RIN1: variants seen among roughly 807,000 people sequenced by gnomAD.
RIN1 encodes ras inhibitor 1.
RIN1 carries 52 observed loss-of-function variants against 64.9 expected under a neutral mutation model. The observed-to-expected ratio is 0.80, with a 90% CI of 0.64 to 1.01. RIN1 has a LOEUF of 1.01. RIN1 is among the 50% of genes least tolerant of loss of function. The probability of loss-of-function intolerance (pLI) is 0.00; values close to 1 mark genes in which losing one functional copy is unlikely to be tolerated. For missense variants in RIN1, 1,040 were observed against 1,064.5 expected (o/e 0.98, Z 0.32); for synonymous variants, 486 against 483.6 (o/e 1.00, Z -0.06).
rs745957466 is a variant in RIN1 at position 66,334,230 on chromosome 11, G to T, written c.1286-6C>A. 1.4e-6 allele frequency: 2 copies of T among 1,451,386 alleles called. No homozygotes were observed. The highest frequency in any genetic ancestry group is 2.8e-5 in the Admixed American group (1 of 36,090). The allele number at this position is 1,451,386 out of a possible 1,614,324, so 89.9% of individuals were successfully genotyped here. On this transcript the variant is annotated splice_polypyrimidine_tract_variant and splice_region_variant and intron_variant, in intron 6 of 9. Coordinates refer to ENST00000311320, the MANE Select transcript of RIN1 (RefSeq NM_004292.3). ...TGACTTCTCCAGGACATGTTCTGCC[G>T]GAGGGACAGGGAGGGGTCAGGGGAA...
At chr11:66,333,750 T>G in intron 7 of RIN1, 92 bp from the exon 8 acceptor site, 8 of 1,500,708 alleles carry the variant, frequency 5.3e-6, no homozygotes, top group Non-Finnish European at 7.1e-6. Flanking sequence ...ATTGAGGGGC[T>G]TCAGAAAGGA....
chr11:66,334,795 G>C lies in RIN1; in HGVS notation c.1004C>G (p.Ala335Gly). ...TCGGCGGCCCAGGTGGGGTGAGGTCGCTGGGCTCCCCCGGGACCCTGGCAC... is the reference window on the plus strand; with the variant it reads ...TCGGCGGCCCAGGTGGGGTGAGGTCCCTGGGCTCCCCCGGGACCCTGGCAC... ...EGVPGSRGSP[A>G]TSPHLGRRRP... The change falls in exon 6 of 10, where the codon GCG (alanine) becomes GGG (glycine). Residue 335 changes from alanine (A) to glycine (G), a missense_variant. Physicochemically the swap from Ala to Gly is moderately conservative, Grantham distance 60 (BLOSUM62 0). Coordinates refer to ENST00000311320, the MANE Select transcript of RIN1 (RefSeq NM_004292.3). The C allele has an allele frequency of 6.5e-7, 1 of 1,547,538 alleles. No individual in the cohort carries two copies. The highest frequency in any genetic ancestry group is 1.2e-5 in the South Asian group (1 of 84,288).
chr11:66,332,870 A>T (rs1854771772), intron 9 of RIN1, 118 bp from the exon 10 acceptor site: 1 of 817,098 alleles, frequency 1.2e-6, no homozygotes, highest in African/African-American at 1.7e-5. Flanking sequence ...GTGGAGATCC[A>T]GTGGGAGAAC....
chr11:66,335,902 C>A (rs1441802125), intron 2 of RIN1, 26 bp from the exon 3 acceptor site: 2 of 1,527,278 alleles, frequency 1.3e-6, no homozygotes, highest in South Asian at 2.6e-5. Flanking sequence ...GCTCAGGCAG[C>A]TCAGGACCTT....
In RIN1 at chr11:66,331,827, C is replaced by T. The variant is rs1444370524; in HGVS notation, c.*449G>A. ...CTGTTCTGTGGCCTCTCTAAATCCT[C>T]CTGACACCTAAGAGCCATTGGAACC... On this transcript the variant is annotated 3_prime_UTR_variant, in exon 10 of 10. Transcript: ENST00000311320. 5.2e-6 allele frequency: 1 copy of T among 193,868 alleles called. No homozygotes were observed. The highest frequency in any genetic ancestry group is 1.1e-5 in the Non-Finnish European group (1 of 94,674). 12.0% of individuals were successfully genotyped at this position (193,868 alleles called of 1,614,324 possible).
At chr11:66,335,329 G>A (rs912804060) in intron 5 of RIN1, 78 bp from the exon 6 acceptor site, 26 of 1,556,828 alleles carry the variant, frequency 1.7e-5, no homozygotes, top group East Asian at 2.3e-5. Flanking sequence ...CAGGGGCTTC[G>A]GGCGGTGTGC....
chr11:66,334,174 G>T lies in RIN1; in HGVS notation c.1336C>A (p.Pro446Thr). The change falls in exon 7 of 10, where the codon CCC (proline) becomes ACC (threonine). Residue 446 changes from proline to threonine, a missense_variant. Physicochemically the swap from Pro to Thr is conservative, Grantham distance 38. Transcript: ENST00000311320. Reference protein sequence around the residue: ...LHCSVLKPLRPILAARLRRRL... With the variant: ...LHCSVLKPLRTILAARLRRRL... ...CGCCGCAGGCGGGCTGCCAGGATGG[G>T]CCGGAGAGGCTTGAGCACAGAGCAA... is the stretch of plus-strand genomic sequence containing the variant. The T allele has an allele frequency of 6.5e-7, 1 of 1,533,666 alleles. No individual in the cohort carries two copies.
rs1320419109 is a variant in RIN1, at chr11:66,336,136, C to T, written c.109G>A (p.Asp37Asn). 5 of 1,445,138 alleles carry T rather than the reference C, an allele frequency of 3.5e-6. No individual in the cohort carries two copies. In the African/African-American group the frequency reaches 7.2e-5, roughly 21 times the overall value. The allele number at this position is 1,445,138 out of a possible 1,614,324, so 89.5% of individuals were successfully genotyped here. A position where few individuals can be genotyped will look rare whatever the true frequency, so the allele number is the denominator to read the frequency against. ...TGCCCGCCGCTGGCATTGGGCACGT[C>T]ATACAGTGGGTCCTGGGCTGGCCTG... ...REKPAQDPLY[D>N]VPNASGGQAG... Residue 37 changes from aspartate (D) to asparagine (N), a missense_variant, in exon 2 of 10, where the codon GAC (aspartate) becomes AAC (asparagine). Asp to Asn is a conservative substitution (Grantham distance 23). Coordinates refer to ENST00000311320, the MANE Select transcript of RIN1 (RefSeq NM_004292.3).
At chr11:66,336,602 C>CCAG, upstream of RIN1, 1 of 560,544 alleles carries the variant, frequency 1.8e-6, no homozygotes, top group Admixed American at 3.2e-5. Context: ...CCATGCTAGC[C>CCAG]CTGCTCTGAG....
chr11:66,334,164 G>C lies in RIN1; in HGVS notation c.1346C>G (p.Ala449Gly), dbSNP rs1412723743. Residue 449 changes from alanine to glycine, a missense_variant, in exon 7 of 10, where the codon GCA (alanine) becomes GGA (glycine). Transcript: ENST00000311320. ...SVLKPLRPIL[A>G]ARLRRRLAAD... ...GGCAAGCCGGCGCCGCAGGCGGGCT[G>C]CCAGGATGGGCCGGAGAGGCTTGAG... 1 of 1,536,858 alleles carries C rather than the reference G, an allele frequency of 6.5e-7. No individual in the cohort carries two copies. Among genetic ancestry groups the C allele is most frequent in the East Asian group, 2.3e-5 (1 of 42,678 alleles).
rs373386880 is a variant in RIN1 at position 66,333,572 on chromosome 11, C to T, written c.1678G>A (p.Glu560Lys). The change falls in exon 8 of 10, where the codon GAG becomes AAG. Residue 560 changes from glutamate to lysine, a missense_variant. Coordinates refer to ENST00000311320, the MANE Select transcript of RIN1 (RefSeq NM_004292.3). Reference protein sequence around the residue: ...CDLPELLLEAEYMSELLEPSL... With the variant: ...CDLPELLLEAKYMSELLEPSL... ...GGCTCCAGCAGCTCCGACATGTACT[C>T]GGCCTCCAGCAGCAGCTCAGGAAGG... The T allele has an allele frequency of 2.2e-5, 36 of 1,613,298 alleles. No homozygotes were observed. Among genetic ancestry groups the T allele is most frequent in the Non-Finnish European group, 2.9e-5 (34 of 1,179,980 alleles).
Position 66,332,451 on chromosome 11 carries a change from C to T in RIN1, c.2177G>A (p.Ser726Asn), listed in dbSNP as rs1854758031. ...CTGGCACCCTTGCTCCTCCCCTCTG[C>T]TTCTTGCCTCTGACTGCCCACTGCC... Reference protein sequence around the residue: ...EEGSGQSEARSRGEEQGCQGD... With the variant: ...EEGSGQSEARNRGEEQGCQGD... The change falls in exon 10 of 10, where the codon AGC becomes AAC. Residue 726 changes from serine (S) to asparagine (N), a missense_variant. By Grantham distance (46) the Ser-to-Asn change is conservative. Coordinates refer to ENST00000311320, the MANE Select transcript of RIN1 (RefSeq NM_004292.3). 1.9e-6 allele frequency: 3 copies of T among 1,614,220 alleles called. No individual in the cohort carries two copies. Among genetic ancestry groups the T allele is most frequent in the East Asian group, 4.5e-5 (2 of 44,884 alleles).
rs1238914244 is a variant in RIN1, at chr11:66,332,686, G to A, written c.1942C>T (p.Pro648Ser). 6.4e-7 allele frequency: 1 copy of A among 1,559,270 alleles called. No homozygotes were observed. The highest frequency in any genetic ancestry group is 1.4e-5 in the African/African-American group (1 of 73,486). ...GCTSKTLAVP[P>S]EASIATLNQL... ...TTCAGGGTGGCAATCGAGGCTTCTG[G>A]GGGCACGGCCAGGGTCTTGGAGGTG... is the stretch of plus-strand genomic sequence containing the variant. The change falls in exon 10 of 10, where the codon CCA (proline) becomes TCA (serine). Residue 648 changes from proline to serine, a missense_variant. Transcript: ENST00000311320.
Position 66,332,651 on chromosome 11 carries a change from A to G in RIN1, c.1977T>C (p.Cys659=). The change falls in exon 10 of 10, where the codon TGT becomes TGC. Residue 659 remains cysteine (C), a synonymous_variant. Coordinates refer to ENST00000311320, the MANE Select transcript of RIN1 (RefSeq NM_004292.3). ...EASIATLNQL[C]ATKFRVTQPN... ...GCTGGGTCACTCGGAACTTGGTGGCACAGAGCTGGTTCAGGGTGGCAATCG... is the reference window on the plus strand; with the variant it reads ...GCTGGGTCACTCGGAACTTGGTGGCGCAGAGCTGGTTCAGGGTGGCAATCG... The G allele has an allele frequency of 6.3e-7, 1 of 1,595,012 alleles. No homozygotes were observed.
rs1854723384 is a variant in RIN1 at position 66,330,882 on chromosome 11, G to A, written c.*1394C>T. 6.6e-6 allele frequency: 1 copy of A among 152,308 alleles called. No individual in the cohort carries two copies. Among genetic ancestry groups the A allele is most frequent in the African/African-American group, 2.4e-5 (1 of 41,474 alleles). 9.4% of individuals were successfully genotyped at this position (152,308 alleles called of 1,614,324 possible). A position where few individuals can be genotyped will look rare whatever the true frequency, so the allele number is the denominator to read the frequency against. Reference sequence around the variant, plus strand: ...TCTGTGCTCAGTGCCCGAGGAGAGAGCCTCTGGGGTCATCCTCCATAAGGG... The same window carrying A: ...TCTGTGCTCAGTGCCCGAGGAGAGAACCTCTGGGGTCATCCTCCATAAGGG... On this transcript the variant is annotated 3_prime_UTR_variant, in exon 10 of 10. Coordinates refer to ENST00000311320, the MANE Select transcript of RIN1 (RefSeq NM_004292.3).
At position 66,333,414 on chromosome 11, in the gene RIN1, G is replaced by A. The variant is rs745658692; in HGVS notation, c.1724-5C>T. The stretch of plus-strand genomic sequence containing the variant: ...GGCTGGTCAGGTAGTAGCCACCTGG[G>A]ACACAGGGTGGAAGAACACGGCTCA... On this transcript the variant is annotated splice_region_variant and splice_polypyrimidine_tract_variant and intron_variant, in intron 8 of 9. Transcript: ENST00000311320. The A allele has an allele frequency of 5.0e-6, 8 of 1,606,572 alleles. No homozygotes were observed. Among genetic ancestry groups the A allele is most frequent in the South Asian group, 1.1e-5 (1 of 90,686 alleles).
In RIN1 at chr11:66,333,419, AG is replaced by A. The variant is rs778880157; in HGVS notation, c.1724-11del. 28 of 1,604,814 alleles carry A rather than the reference AG, an allele frequency of 1.7e-5. No individual in the cohort carries two copies. The highest frequency in any genetic ancestry group is 2.3e-5 in the Non-Finnish European group (27 of 1,174,364). ...GTCAGGTAGTAGCCACCTGGGACACAGGGTGGAAGAACACGGCTCAGGCTGG... is the reference window on the plus strand; with the variant it reads ...GTCAGGTAGTAGCCACCTGGGACACAGGTGGAAGAACACGGCTCAGGCTGG... On this transcript the variant is annotated splice_polypyrimidine_tract_variant and intron_variant, in intron 8 of 9. Coordinates refer to ENST00000311320, the MANE Select transcript of RIN1 (RefSeq NM_004292.3).
Position 66,333,604 on chromosome 11 carries a change from T to C in RIN1, c.1646A>G (p.His549Arg). The change falls in exon 8 of 10, where the codon CAC (histidine) becomes CGC (arginine). Residue 549 changes from histidine to arginine, a missense_variant. Physicochemically the swap from His to Arg is conservative, Grantham distance 29. Coordinates refer to ENST00000311320, the MANE Select transcript of RIN1 (RefSeq NM_004292.3). ...FLPLLSLVLA[H>R]CDLPELLLEA... ...CAGCAGCAGCTCAGGAAGGTCACAG[T>C]GGGCCAAGACGAGGCTCAGCAGAGG... 1 of 1,612,898 alleles carries C rather than the reference T, an allele frequency of 6.2e-7. No individual in the cohort carries two copies. The highest frequency in any genetic ancestry group is 8.5e-7 in the Non-Finnish European group (1 of 1,179,746).
chr11:66,335,091 G>T lies in RIN1; in HGVS notation c.708C>A (p.Thr236=), dbSNP rs749948681. ...AGCTTCTCTTGAATTTCTCCCGCTT[G>T]GTGGGCCCTAGGTCCCCCGGGAACA... is the stretch of plus-strand genomic sequence containing the variant. ...NPLFPGDLGP[T]KREKFKRSFK... Residue 236 remains threonine, a synonymous_variant, in exon 6 of 10, where the codon ACC becomes ACA. Transcript: ENST00000311320. 4 of 1,528,432 alleles carry T rather than the reference G, an allele frequency of 2.6e-6. No homozygotes were observed. The highest frequency in any genetic ancestry group is 3.5e-4 in the Middle Eastern group (2 of 5,670). The allele number at this position is 1,528,432 out of a possible 1,614,324, so 94.7% of individuals were successfully genotyped here. A position where few individuals can be genotyped will look rare whatever the true frequency, so the allele number is the denominator to read the frequency against.
Sources: gnomAD v4.1 joint callset for allele counts on GRCh38, gnomAD v4.1.1 for gene constraint, MANE v1.5 for transcripts, NCBI Gene and HGNC (gene_info 2026-07-23, HGNC 2026-07-21) for gene names.